WDFY3: variants seen among roughly 807,000 people sequenced by gnomAD.
WDFY3 encodes the protein WD repeat and FYVE domain containing 3.
Under a neutral mutation model 409.6 loss-of-function variants are expected in WDFY3, and 66 were observed. That is an observed-to-expected ratio of 0.16 (90% CI 0.13 to 0.20). The LOEUF (loss-of-function observed/expected upper bound fraction) is 0.20, where lower values mean the gene tolerates loss of function less well. Among genes scored for constraint, WDFY3 ranks in the 10% least tolerant of loss-of-function variants. The probability of loss-of-function intolerance (pLI) is 1.00; values close to 1 mark genes in which losing one functional copy is unlikely to be tolerated. For synonymous variants in WDFY3, 1,521 were observed against 1,537.1 expected, an observed-to-expected ratio of 0.99 and a Z score of 0.25; for missense variants, 3,031 against 4,298.1, an observed-to-expected ratio of 0.71 and a Z score of 8.24.
chr4:84,796,350 T>C (rs1380112098), intron 19 of WDFY3, among the ~76,000 whole-genome samples, 171 bp downstream of exon 19: 1 of 151,910 alleles, frequency 6.6e-6, no homozygotes, highest in Non-Finnish European at 1.5e-5. Flanking sequence ...CAAACAAAAA[T>C]AATTAAATGT....
chr4:84,678,960 G>T lies in WDFY3; in HGVS notation c.10106C>A (p.Pro3369His). 1 of 1,614,150 alleles carries T rather than the reference G, an allele frequency of 6.2e-7. No individual in the cohort carries two copies. Among genetic ancestry groups the T allele is most frequent in the Non-Finnish European group, 8.5e-7 (1 of 1,180,022 alleles). ...HLQGPLSHPH[P>H]NPIEVRNYSR... ...GTAATTCCGCACCTCAATGGGATTG[G>T]GGTGGGGGTGGCTAAGGGGGCCCTG... Residue 3369 changes from proline to histidine, a missense_variant, in exon 65 of 68, where the codon CCC (proline) becomes CAC (histidine). By Grantham distance (77) the Pro-to-His change is moderately conservative. Coordinates refer to ENST00000295888, the MANE Select transcript of WDFY3 (RefSeq NM_014991.6).
chr4:84,811,765 A>T (rs1312556486), intron 13 of WDFY3, among the ~76,000 whole-genome samples: 1 of 152,164 alleles, frequency 6.6e-6, no homozygotes, highest in African/African-American at 2.4e-5. Flanking sequence ...GTATCTGAAG[A>T]ATGAAAAGGC....
chr4:84,789,346 T>C (rs190987041), intron 22 of WDFY3, among the ~76,000 whole-genome samples: 346 of 152,300 alleles, frequency 2.3e-3, no homozygotes, highest in African/African-American at 7.8e-3. Context: ...CTCTAAAGAA[T>C]GTAAGTCTTC....
At chr4:84,947,382 C>T (rs1285373275) in intron 1 of WDFY3, among the ~76,000 whole-genome samples, 1 of 150,368 alleles carries the variant, frequency 6.7e-6, no homozygotes, top group African/African-American at 2.4e-5. Context: ...TGTGGTGGCA[C>T]GGGCCTGTAG....
chr4:84,753,918 T>C, intron 34 of WDFY3, 42 bp from the exon 35 acceptor site: 1 of 1,493,308 alleles, frequency 6.7e-7, no homozygotes, highest in Non-Finnish European at 8.9e-7. Flanking sequence ...TTACAGTTAT[T>C]GACACTGCTA....
intron 3 of WDFY3, among the ~76,000 whole-genome samples, chr4:84,892,423 T>C (rs571322722): frequency 6.6e-6 from 1 of 151,980 alleles, no homozygotes; most frequent in Non-Finnish European, 1.5e-5. Context: ...ATTTTAAAGG[T>C]TTTAAAATAC....
intron 13 of WDFY3, among the ~76,000 whole-genome samples, chr4:84,812,730 G>A (rs751132507): frequency 7.9e-5 from 12 of 152,070 alleles, no homozygotes; most frequent in Non-Finnish European, 1.6e-4. Flanking sequence ...TGCTGCTTAC[G>A]AATCTTAGTC....
chr4:84,705,412 C>T lies in WDFY3; in HGVS notation c.8317G>A (p.Asp2773Asn). ...TCCTTACCATTAGGATCCTCCCAGT[C>T]TTTATACCGCTTCTTATACTGAGCT... The part of the protein sequence containing the change: ...RLAQYKKRYK[D>N]WEDPNGETPA... Residue 2773 changes from aspartate to asparagine, a missense_variant, in exon 54 of 68, where the codon GAC (aspartate) becomes AAC (asparagine). Asp to Asn is a conservative substitution (Grantham distance 23, BLOSUM62 1). Coordinates refer to ENST00000295888, the MANE Select transcript of WDFY3 (RefSeq NM_014991.6). The T allele has an allele frequency of 6.2e-7, 1 of 1,613,914 alleles. No homozygotes were observed. Among genetic ancestry groups the T allele is most frequent in the South Asian group, 1.1e-5 (1 of 91,030 alleles).
At chr4:84,956,824 C>A (rs1774293658) in intron 1 of WDFY3, among the ~76,000 whole-genome samples, 1 of 152,074 alleles carries the variant, frequency 6.6e-6, no homozygotes, top group Non-Finnish European at 1.5e-5. Context: ...TCTCCATACA[C>A]CTCCAAGCCT....
intron 56 of WDFY3, among the ~76,000 whole-genome samples, chr4:84,700,087 G>T (rs1730836255): frequency 6.6e-6 from 1 of 151,910 alleles, no homozygotes; most frequent in South Asian, 2.1e-4. Context: ...TGTTGTTGTT[G>T]CTTGTAATTT....
chr4:84,795,622 C>T (rs1012163378), intron 19 of WDFY3, among the ~76,000 whole-genome samples: 12 of 152,094 alleles, frequency 7.9e-5, no homozygotes, highest in African/African-American at 2.7e-4. Context: ...ATCAGCCAGG[C>T]GCGGTGGCGT....
At chr4:84,895,257 G>A (rs981037642) in intron 3 of WDFY3, among the ~76,000 whole-genome samples, 1 of 152,098 alleles carries the variant, frequency 6.6e-6, no homozygotes, top group Non-Finnish European at 1.5e-5. Context: ...GGGGCTCATG[G>A]TTAAGTGAAA....
chr4:84,714,727 G>T (rs1322357396), intron 50 of WDFY3, among the ~76,000 whole-genome samples: 2 of 152,048 alleles, frequency 1.3e-5, no homozygotes, highest in Admixed American at 6.5e-5. Context: ...GAGGTGGGCA[G>T]ATCACAAGGT....
intron 1 of WDFY3, among the ~76,000 whole-genome samples, chr4:84,943,864 T>C (rs141952464): frequency 1.4e-4 from 21 of 152,320 alleles, no homozygotes; most frequent in African/African-American, 5.1e-4. Flanking sequence ...GTTGGGTCCC[T>C]ACCAGAGGCA....
intron 56 of WDFY3, among the ~76,000 whole-genome samples, chr4:84,701,042 G>A (rs74333439): frequency 0.08 from 12,113 of 152,264 alleles, 568 homozygotes; most frequent in Admixed American, 0.13. Context: ...CCTGTAAGGC[G>A]GAGGTTGCGA....
At position 84,821,081 on chromosome 4, in the gene WDFY3, T is replaced by A. The variant is rs1305130386; in HGVS notation, c.1591+3A>T. ...AAAAATAAAATTACAGACAATACTT[T>A]ACCTTGTTCATTTAGTGCCTGAGTT... is the stretch of plus-strand genomic sequence containing the variant. On this transcript the variant is annotated splice_donor_region_variant and intron_variant, in intron 11 of 67. Transcript: ENST00000295888. The A allele has an allele frequency of 6.3e-7, 1 of 1,598,206 alleles. No individual in the cohort carries two copies. The highest frequency in any genetic ancestry group is 8.5e-7 in the Non-Finnish European group (1 of 1,173,662).
intron 56 of WDFY3, among the ~76,000 whole-genome samples, chr4:84,700,047 T>A (rs1473474807): frequency 1.3e-5 from 2 of 152,132 alleles, no homozygotes; most frequent in Non-Finnish European, 2.9e-5. Context: ...TGCAGAAACT[T>A]CTAATTTTGA....
chr4:84,897,606 C>T (rs1036290920), intron 2 of WDFY3, among the ~76,000 whole-genome samples: 1 of 152,056 alleles, frequency 6.6e-6, no homozygotes, highest in Admixed American at 6.6e-5. Flanking sequence ...GTCTTGAACT[C>T]CTCCTGACCT....
At chr4:84,901,938 T>C (rs570031663) in intron 2 of WDFY3, among the ~76,000 whole-genome samples, 51 of 152,268 alleles carry the variant, frequency 3.3e-4, no homozygotes, top group Middle Eastern at 6.8e-3. Flanking sequence ...CTGTCAAATA[T>C]GACATACTGC....
Sources: allele counts gnomAD v4.1 joint callset (sites outside exome capture counted in the v4.1 genomes callset), GRCh38; gene constraint gnomAD v4.1.1; transcripts MANE v1.5; gene names NCBI Gene and HGNC (gene_info 2026-07-23, HGNC 2026-07-21).